The following EYA2 variants were observed in gnomAD, a reference collection of about 807,000 sequenced individuals.
EYA2 encodes EYA transcriptional coactivator and phosphatase 2.
In EYA2, 31 loss-of-function variants were observed where a neutral mutation model predicts 69.2. The ratio of observed to expected loss-of-function variants is 0.45; its 90% CI spans 0.34 to 0.60. The LOEUF (loss-of-function observed/expected upper bound fraction) is 0.60. EYA2 is among the 20% of genes least tolerant of loss of function. EYA2 has a pLI of 0.02. For synonymous variants in EYA2, 257 were observed against 279.4 expected, an observed-to-expected ratio of 0.92 and a Z score of 0.80; for missense variants, 622 against 701.2, an observed-to-expected ratio of 0.89 and a Z score of 1.28.
intron 5 of EYA2, among the ~76,000 whole-genome samples, chr20:47,026,907 C>A (rs1203066483): frequency 6.6e-6 from 1 of 152,222 alleles, no homozygotes; most frequent in Non-Finnish European, 1.5e-5. Context: ...TATTCTTTTT[C>A]AATATGGACA....
intron 12 of EYA2, among the ~76,000 whole-genome samples, chr20:47,178,285 T>C (rs2034461499): frequency 6.6e-6 from 1 of 151,058 alleles, no homozygotes; most frequent in Admixed American, 6.6e-5. Context: ...GCAGTGAGCC[T>C]TGATCACACC....
intron 10 of EYA2, among the ~76,000 whole-genome samples, chr20:47,147,162 C>A (rs149463889): frequency 0.011 from 1,677 of 151,172 alleles, 29 homozygotes; most frequent in African/African-American, 0.037. Context: ...GATTCTCCTG[C>A]CTCAGCCTCC....
At chr20:46,905,965 T>G (rs1984333145) in intron 1 of EYA2, among the ~76,000 whole-genome samples, 1 of 152,244 alleles carries the variant, frequency 6.6e-6, no homozygotes. Context: ...GTTTGGGGAC[T>G]TTAGACATTC....
chr20:47,125,884 G>T (rs1461164687), intron 9 of EYA2, among the ~76,000 whole-genome samples: 1 of 151,328 alleles, frequency 6.6e-6, no homozygotes, highest in African/African-American at 2.4e-5. Context: ...GTTTGTGTGT[G>T]TTTTTTTTTC....
chr20:46,911,860 T>C (rs1337372422), intron 1 of EYA2, among the ~76,000 whole-genome samples: 1 of 151,964 alleles, frequency 6.6e-6, no homozygotes, highest in Admixed American at 6.6e-5. Flanking sequence ...AGAAAAGTTC[T>C]AGTGTTCAAA....
At chr20:47,018,616 C>T (rs1428102528) in intron 5 of EYA2, among the ~76,000 whole-genome samples, 2 of 152,188 alleles carry the variant, frequency 1.3e-5, no homozygotes, top group Non-Finnish European at 2.9e-5. Context: ...GTACAGGCAG[C>T]GGGAACGCAA....
chr20:46,983,720 A>G (rs137991507), intron 1 of EYA2, among the ~76,000 whole-genome samples: 3 of 152,264 alleles, frequency 2.0e-5, no homozygotes, highest in East Asian at 3.9e-4. Flanking sequence ...CCTGTGTCCT[A>G]ACTACTTTAG....
chr20:47,130,987 G>T (rs1244024392), intron 9 of EYA2, among the ~76,000 whole-genome samples: 1 of 152,098 alleles, frequency 6.6e-6, no homozygotes. Context: ...TACTCAGGGG[G>T]CTGAGGCAGG....
At chr20:46,988,905 C>T (rs1302410363) in intron 1 of EYA2, among the ~76,000 whole-genome samples, 1 of 152,096 alleles carries the variant, frequency 6.6e-6, no homozygotes, top group East Asian at 1.9e-4. Context: ...GGGGTTTTGC[C>T]ATGTTGCCTA....
chr20:46,942,171 C>T (rs1411257851), intron 1 of EYA2, among the ~76,000 whole-genome samples: 4 of 152,066 alleles, frequency 2.6e-5, no homozygotes, highest in East Asian at 1.9e-4. Flanking sequence ...TGGTGGACAA[C>T]CTAAGGAAAG....
chr20:47,065,555 G>C (rs1364532121), intron 5 of EYA2, among the ~76,000 whole-genome samples: 1 of 152,050 alleles, frequency 6.6e-6, no homozygotes, highest in Non-Finnish European at 1.5e-5. Flanking sequence ...TGAAAAAAAG[G>C]TTGAGAAACA....
chr20:46,951,026 C>A (rs559157508), intron 1 of EYA2, among the ~76,000 whole-genome samples: 2 of 152,146 alleles, frequency 1.3e-5, no homozygotes, highest in African/African-American at 4.8e-5. Flanking sequence ...CTTTATACCC[C>A]ACATATGCCA....
At chr20:47,098,447 G>C (rs578219248) in intron 9 of EYA2, among the ~76,000 whole-genome samples, 2 of 152,348 alleles carry the variant, frequency 1.3e-5, no homozygotes, top group South Asian at 4.1e-4. Flanking sequence ...CTTGCCCTTA[G>C]AGGCAGCCTG....
chr20:46,935,332 C>T (rs116569633), intron 1 of EYA2, among the ~76,000 whole-genome samples: 4,960 of 152,278 alleles, frequency 0.033, 264 homozygotes, highest in African/African-American at 0.11. Flanking sequence ...GCTGTGTGAC[C>T]TGCCGCACCT....
intron 5 of EYA2, among the ~76,000 whole-genome samples, chr20:47,022,458 C>T (rs1229402318): frequency 6.6e-6 from 1 of 151,918 alleles, no homozygotes; most frequent in African/African-American, 2.4e-5. Context: ...GGATTACAGG[C>T]GCCTGCCACC....
At chr20:47,015,193 G>T (rs1374990046) in intron 4 of EYA2, among the ~76,000 whole-genome samples, 1 of 152,182 alleles carries the variant, frequency 6.6e-6, no homozygotes, top group Non-Finnish European at 1.5e-5. Context: ...TCAGGGATAG[G>T]AAGAGACTCT....
At chr20:47,110,742 T>A (rs1226347632) in intron 9 of EYA2, among the ~76,000 whole-genome samples, 1 of 152,236 alleles carries the variant, frequency 6.6e-6, no homozygotes, top group Non-Finnish European at 1.5e-5. Flanking sequence ...AACAAAGGGC[T>A]GCCAGGTAGG....
intron 11 of EYA2, among the ~76,000 whole-genome samples, chr20:47,172,116 A>T (rs555832737): frequency 6.9e-6 from 1 of 145,450 alleles, no homozygotes; most frequent in East Asian, 2.1e-4. Context: ...ATAAAAAAAA[A>T]TAAAAAAAAT....
intron 2 of EYA2, among the ~76,000 whole-genome samples, chr20:46,991,113 G>A (rs1220530857): frequency 2.6e-5 from 4 of 152,202 alleles, no homozygotes; most frequent in East Asian, 3.8e-4. Context: ...TGGACCATTC[G>A]TGTAAACTGC....
Sources: gnomAD v4.1 joint callset for allele counts (sites outside exome capture counted in the v4.1 genomes callset) on GRCh38, gnomAD v4.1.1 for gene constraint, MANE v1.5 for transcripts, NCBI Gene and HGNC (gene_info 2026-07-23, HGNC 2026-07-21) for gene names.